COPS4: variants seen among roughly 807,000 people sequenced by gnomAD.
COPS4 encodes the protein COP9 signalosome complex subunit 4.
COPS4 carries 8 observed loss-of-function variants against 55.1 expected under a neutral mutation model. The observed-to-expected ratio is 0.15, with a 90% confidence interval of 0.09 to 0.26. The LOEUF (loss-of-function observed/expected upper bound fraction) is 0.26. Ranked by LOEUF, COPS4 falls within the 10% of genes least tolerant of loss-of-function variation. The pLI, the probability that COPS4 is intolerant of heterozygous loss-of-function variation, is 1.00. For missense variants in COPS4, 248 were observed against 484.0 expected, an observed-to-expected ratio of 0.51 and a Z score of 4.58; for synonymous variants, 185 against 165.7, an observed-to-expected ratio of 1.12 and a Z score of -0.90.
intron 7 of COPS4, among the ~76,000 whole-genome samples, chr4:83,065,644 T>C (rs1731275908): frequency 6.6e-6 from 1 of 152,236 alleles, no homozygotes; most frequent in African/African-American, 2.4e-5. Context: ...CAGAACATTA[T>C]GAGATACTGT....
chr4:83,069,531 A>G (rs1247007860), intron 9 of COPS4, among the ~76,000 whole-genome samples: 2 of 151,972 alleles, frequency 1.3e-5, no homozygotes, highest in Non-Finnish European at 2.9e-5. Context: ...TTCATGGTAC[A>G]TTTCTGTAGT....
chr4:83,037,053 T>C (rs1045880670), intron 1 of COPS4, among the ~76,000 whole-genome samples: 3 of 152,218 alleles, frequency 2.0e-5, no homozygotes, highest in Non-Finnish European at 4.4e-5. Context: ...ACTGGACTGC[T>C]TTGCTGGTCT....
At chr4:83,037,371 C>A (rs1477181099) in intron 1 of COPS4, among the ~76,000 whole-genome samples, 1 of 152,114 alleles carries the variant, frequency 6.6e-6, no homozygotes, top group African/African-American at 2.4e-5. Flanking sequence ...TGCAAAGGAG[C>A]CTGGACAGAG....
At chr4:83,061,711 C>CTT (rs74267635) in intron 6 of COPS4, among the ~76,000 whole-genome samples, 3 of 142,164 alleles carry the variant, frequency 2.1e-5, no homozygotes, top group African/African-American at 2.6e-5. Context: ...TAGATTATGT[C>CTT]TTTTTTTTTT....
intron 9 of COPS4, among the ~76,000 whole-genome samples, chr4:83,073,786 G>A (rs1052710390): frequency 2.0e-5 from 3 of 150,874 alleles, no homozygotes; most frequent in East Asian, 3.9e-4. Flanking sequence ...GTGAAACCCC[G>A]TCTCTACTAA....
intron 6 of COPS4, among the ~76,000 whole-genome samples, chr4:83,062,532 G>A (rs1259386238): frequency 3.3e-5 from 5 of 151,296 alleles, no homozygotes; most frequent in African/African-American, 9.7e-5. Context: ...TTCCCTGCTT[G>A]TTTTTTTACT....
chr4:83,061,113 T>C lies in COPS4; in HGVS notation c.716-1963T>C, dbSNP rs372025371. Among the ~76,000 whole-genome samples, 9 of 152,278 alleles carry C rather than the reference T, an allele frequency of 5.9e-5. No individual in the cohort carries two copies. In the East Asian group the frequency reaches 1.2e-3, roughly 20 times the overall value. On this transcript the variant is annotated intron_variant, in intron 6 of 9. Coordinates refer to ENST00000264389, the MANE Select transcript of COPS4 (RefSeq NM_016129.3). ...TCTATGTTACAAAATGGTGATTTGC[T>C]CATTCTATTCTTCTGCATGAACTTT...
chr4:83,062,806 A>G (rs1244251906), intron 6 of COPS4, among the ~76,000 whole-genome samples: 1 of 152,236 alleles, frequency 6.6e-6, no homozygotes, highest in Non-Finnish European at 1.5e-5. Context: ...AAACAGAAAC[A>G]CACATAAAAC....
At chr4:83,062,602 C>A (rs2868742) in intron 6 of COPS4, among the ~76,000 whole-genome samples, 1 of 152,204 alleles carries the variant, frequency 6.6e-6, no homozygotes, top group Non-Finnish European at 1.5e-5. Context: ...TTTCACACTT[C>A]CGTTCTGTTA....
At chr4:83,043,669 A>G (rs1730628287) in intron 1 of COPS4, among the ~76,000 whole-genome samples, 2 of 152,058 alleles carry the variant, frequency 1.3e-5, no homozygotes, top group Non-Finnish European at 2.9e-5. Context: ...AAGAGATCTT[A>G]GCAATAACCC....
At chr4:83,039,140 G>A (rs1730497952) in intron 1 of COPS4, among the ~76,000 whole-genome samples, 1 of 152,136 alleles carries the variant, frequency 6.6e-6, no homozygotes, top group Non-Finnish European at 1.5e-5. Flanking sequence ...CCAGCTGTAT[G>A]GTTCTTTTCT....
At chr4:83,050,975 G>A (rs551712084) in intron 4 of COPS4, among the ~76,000 whole-genome samples, 4 of 151,880 alleles carry the variant, frequency 2.6e-5, no homozygotes, top group Non-Finnish European at 5.9e-5. Context: ...AGAGGCTTAT[G>A]AGACCAGGTA....
intron 7 of COPS4, chr4:83,065,071 C>G (rs1296083164): frequency 8.7e-6 from 6 of 690,014 alleles, no homozygotes; most frequent in Non-Finnish European, 1.6e-5. Context: ...GACAGGATCT[C>G]TCCATTTTGC....
At chr4:83,037,755 T>G (rs1730465420) in intron 1 of COPS4, among the ~76,000 whole-genome samples, 1 of 152,226 alleles carries the variant, frequency 6.6e-6, no homozygotes, top group East Asian at 1.9e-4. Flanking sequence ...ATGGAATACA[T>G]TGTTTCTAAA....
chr4:83,075,103 C>T (rs534679603), intron 9 of COPS4, among the ~76,000 whole-genome samples, 194 bp from the exon 10 acceptor site: 33 of 151,932 alleles, frequency 2.2e-4, no homozygotes, highest in Non-Finnish European at 4.3e-4. Context: ...AGTGACAGAG[C>T]AAGACTCCAT....
intron 9 of COPS4, among the ~76,000 whole-genome samples, chr4:83,069,060 GTTCA>G (rs1375341306): frequency 6.6e-6 from 1 of 151,924 alleles, no homozygotes; most frequent in East Asian, 1.9e-4. Context: ...TGTTGTATCA[GTTCA>G]TTCATTTATG....
chr4:83,061,711 CT>C (rs74267635), intron 6 of COPS4, among the ~76,000 whole-genome samples: 650 of 141,830 alleles, frequency 4.6e-3, no homozygotes, highest in Middle Eastern at 7.3e-3. Context: ...TAGATTATGT[CT>C]TTTTTTTTTT....
chr4:83,051,419 T>C, intron 4 of COPS4, among the ~76,000 whole-genome samples: 1 of 152,148 alleles, frequency 6.6e-6, no homozygotes, highest in East Asian at 1.9e-4. Context: ...AGCAAGACCC[T>C]GTCTTTTTTA....
chr4:83,071,347 C>G (rs541576065), intron 9 of COPS4, among the ~76,000 whole-genome samples: 1 of 152,118 alleles, frequency 6.6e-6, no homozygotes, highest in Non-Finnish European at 1.5e-5. Flanking sequence ...ATTAATGTTG[C>G]TTGTCTATTT....
Sources: gnomAD v4.1 joint callset for allele counts (sites outside exome capture counted in the v4.1 genomes callset) on GRCh38, gnomAD v4.1.1 for gene constraint, MANE v1.5 for transcripts, NCBI Gene and HGNC (gene_info 2026-07-23, HGNC 2026-07-21) for gene names.